EP400: variants seen among roughly 807,000 people sequenced by gnomAD.
The protein encoded by EP400 is E1A-binding protein p400.
EP400 carries 105 observed loss-of-function variants against 354.1 expected under a neutral mutation model. That is an observed-to-expected ratio of 0.30 (90% CI 0.25 to 0.35). The LOEUF (loss-of-function observed/expected upper bound fraction) is 0.35. Among genes scored for constraint, EP400 ranks in the 10% least tolerant of loss-of-function variants. The probability of loss-of-function intolerance (pLI) is 1.00; values close to 1 mark genes in which losing one functional copy is unlikely to be tolerated. For synonymous variants in EP400, 1,646 were observed against 1,716.9 expected, an observed-to-expected ratio of 0.96 and a Z score of 1.02; for missense variants, 3,280 against 4,121.0, an observed-to-expected ratio of 0.80 and a Z score of 5.59.
At chr12:131,955,999 A>C (rs1156734743) in intron 1 of EP400, among the ~76,000 whole-genome samples, 3 of 152,158 alleles carry the variant, frequency 2.0e-5, no homozygotes, top group Non-Finnish European at 4.4e-5. Flanking sequence ...ATCACAAATC[A>C]AGCTGTAGCT....
chr12:132,069,960 T>G (rs778961616), intron 51 of EP400, among the ~76,000 whole-genome samples: 8 of 151,992 alleles, frequency 5.3e-5, no homozygotes, highest in Non-Finnish European at 1.0e-4. Flanking sequence ...AAAAATATAT[T>G]TTATTTTATT....
Position 132,013,933 on chromosome 12 carries a change from A to T in EP400, c.3923+20A>T. ...ACCTGGGTGAGTGTGGGCTCTGGGC[A>T]TGTGCCCCCTTTGCTGTCCCTGCCT... On this transcript the variant is annotated intron_variant, in intron 19 of 52. Transcript: ENST00000389561. This position sits in a 1 kb window ranked among gnomAD's most constrained non-coding sequence, Gnocchi z 4.5. 6.2e-7 allele frequency: 1 copy of T among 1,612,610 alleles called. No individual in the cohort carries two copies. The highest frequency in any genetic ancestry group is 1.1e-5 in the South Asian group (1 of 90,754).
intron 45 of EP400, among the ~76,000 whole-genome samples, chr12:132,060,941 A>G (rs1039306384): frequency 1.3e-5 from 2 of 151,810 alleles, no homozygotes; most frequent in South Asian, 4.2e-4. Context: ...AAAAAACAAA[A>G]CAAAACAAAA....
Position 132,029,493 on chromosome 12 carries a change from G to A in EP400, c.5382-208G>A, listed in dbSNP as rs1017899677. 3.5e-5 allele frequency: 21 copies of A among 603,314 alleles called. No homozygotes were observed. The highest frequency in any genetic ancestry group is 5.0e-5 in the Non-Finnish European group (17 of 340,504). 37.4% of individuals were successfully genotyped at this position (603,314 alleles called of 1,614,324 possible). A position where few individuals can be genotyped will look rare whatever the true frequency, so the allele number is the denominator to read the frequency against. ...TGGACTGTCTGAATTAGTCCCCGAG[G>A]TGGTGGTTATTGGCCAGGACTGGTT... On this transcript the variant is annotated intron_variant, in intron 27 of 52. Coordinates refer to ENST00000389561, the MANE Select transcript of EP400 (RefSeq NM_015409.5). This position sits in a 1 kb window ranked among gnomAD's most constrained non-coding sequence, Gnocchi z 4.7.
In EP400 at chr12:132,038,676, G is replaced by A. The variant is rs373923495; in HGVS notation, c.6207+580G>A. ...GTAGTAGAAGATAGAGGGCATGTTTGGGTCCTTTGATTTTTCCCTTTTGGG... is the reference window on the plus strand; with the variant it reads ...GTAGTAGAAGATAGAGGGCATGTTTAGGTCCTTTGATTTTTCCCTTTTGGG... On this transcript the variant is annotated intron_variant, in intron 32 of 52. Coordinates refer to ENST00000389561, the MANE Select transcript of EP400 (RefSeq NM_015409.5). This position sits in a 1 kb window ranked among gnomAD's most constrained non-coding sequence, Gnocchi z 4.2. Among the ~76,000 whole-genome samples the A allele has an allele frequency of 2.6e-5, 4 of 152,226 alleles. No individual in the cohort carries two copies. The highest frequency in any genetic ancestry group is 3.8e-4 in the East Asian group (2 of 5,196).
intron 47 of EP400, among the ~76,000 whole-genome samples, chr12:132,063,589 A>G (rs1430615570): frequency 2.0e-5 from 3 of 152,226 alleles, no homozygotes; most frequent in African/African-American, 7.2e-5. Flanking sequence ...CACATACGGA[A>G]TAAAGACAAG....
chr12:132,064,715 G>A lies in EP400; in HGVS notation c.8382G>A (p.Gln2794=). Residue 2794 remains glutamine, a synonymous_variant, in exon 48 of 53, where the codon CAG becomes CAA. Coordinates refer to ENST00000389561, the MANE Select transcript of EP400 (RefSeq NM_015409.5). ...MQKQKLQMPP[Q]PPPPQAQSAP... is the part of the protein sequence containing the mutation. ...AGCAGAAACTGCAGATGCCCCCGCA[G>A]CCCCCACCGCCACAGGCCCAGTCTG... is the stretch of plus-strand genomic sequence containing the variant. 6.2e-7 allele frequency: 1 copy of A among 1,613,608 alleles called. No homozygotes were observed. The highest frequency in any genetic ancestry group is 8.5e-7 in the Non-Finnish European group (1 of 1,179,752).
chr12:132,065,019 A>G, intron 48 of EP400, 133 bp downstream of exon 48: 1 of 1,443,800 alleles, frequency 6.9e-7, no homozygotes, highest in Admixed American at 2.4e-5. Context: ...CCGAGAACTT[A>G]GTACCCCTTG....
chr12:131,986,923 G>C (rs1892873468), intron 6 of EP400, 116 bp downstream of exon 6: 2 of 1,265,476 alleles, frequency 1.6e-6, no homozygotes, highest in Non-Finnish European at 2.2e-6. Flanking sequence ...AGCATGGCTT[G>C]GGAATCAGTA....
intron 45 of EP400, among the ~76,000 whole-genome samples, chr12:132,061,397 C>A (rs896537967): frequency 1.3e-5 from 2 of 152,186 alleles, no homozygotes; most frequent in Non-Finnish European, 2.9e-5. Context: ...CATCCAAATG[C>A]GTAAGCAATG....
At chr12:132,062,870 T>C (rs1337529193) in intron 47 of EP400, among the ~76,000 whole-genome samples, 169 bp downstream of exon 47, 1 of 152,256 alleles carries the variant, frequency 6.6e-6, no homozygotes, top group Non-Finnish European at 1.5e-5. Context: ...AAATTTCCCA[T>C]GTCATAACAC....
chr12:132,049,308 T>C (rs1178991739), intron 39 of EP400, among the ~76,000 whole-genome samples: 2 of 152,262 alleles, frequency 1.3e-5, no homozygotes, highest in Admixed American at 6.5e-5. Context: ...ATTAGTCTTA[T>C]GCACCCCTTC....
intron 48 of EP400, chr12:132,066,362 C>T (rs1022774493): frequency 1.3e-4 from 22 of 168,340 alleles, no homozygotes; most frequent in African/African-American, 4.5e-4. Context: ...AAATGCGGGA[C>T]GGGAGGCTGA....
rs1249637960 is a variant in EP400 at position 132,037,941 on chromosome 12, C to G, written c.6064-12C>G. The G allele has an allele frequency of 6.2e-7, 1 of 1,614,020 alleles. No individual in the cohort carries two copies. Among genetic ancestry groups the G allele is most frequent in the African/African-American group, 1.3e-5 (1 of 74,930 alleles). On this transcript the variant is annotated splice_polypyrimidine_tract_variant and intron_variant, in intron 31 of 52. Transcript: ENST00000389561. ...CCTTGTACTGGGGAGTAACACACAT[C>G]TCTGTGTTCAGCGAACCATCCAGGA... is the stretch of plus-strand genomic sequence containing the variant.
chr12:132,023,133 C>CTT (rs752551086), intron 23 of EP400, among the ~76,000 whole-genome samples: 4 of 134,002 alleles, frequency 3.0e-5, no homozygotes, highest in South Asian at 2.3e-4. Context: ...TACATTTCTG[C>CTT]TTTTTTTTTT....
chr12:131,969,096 G>T (rs1892203886), intron 2 of EP400, among the ~76,000 whole-genome samples: 1 of 150,200 alleles, frequency 6.7e-6, no homozygotes. Flanking sequence ...TCTCCTTCCT[G>T]ATCTAGGGGG....
intron 2 of EP400, among the ~76,000 whole-genome samples, chr12:131,971,456 C>T (rs1241500221): frequency 2.0e-5 from 3 of 152,160 alleles, no homozygotes; most frequent in African/African-American, 7.2e-5. Flanking sequence ...AGTGCAGATA[C>T]CTCTTCAAGA....
chr12:132,041,159 T>C (rs1017031721), intron 32 of EP400, among the ~76,000 whole-genome samples: 1 of 152,254 alleles, frequency 6.6e-6, no homozygotes, highest in Non-Finnish European at 1.5e-5. Flanking sequence ...GTTAGCGTGC[T>C]GTACTCGTAC....
chr12:131,973,309 G>A (rs1892361510), intron 2 of EP400, among the ~76,000 whole-genome samples: 1 of 152,128 alleles, frequency 6.6e-6, no homozygotes, highest in African/African-American at 2.4e-5. Context: ...TACTCACTTT[G>A]TGTTTAGCTA....
Sources: gnomAD v4.1 joint callset for allele counts (sites outside exome capture counted in the v4.1 genomes callset) on GRCh38, gnomAD v4.1.1 for gene constraint, Gnocchi (gnomAD v3.1) non-coding constraint, MANE v1.5 for transcripts, NCBI Gene and HGNC (gene_info 2026-07-23, HGNC 2026-07-21) for gene names.